The following NBAS variants were observed in gnomAD, a reference collection of about 807,000 sequenced individuals.
The protein encoded by NBAS is NAG/BC035112 fusion.
In NBAS, 219 loss-of-function variants were observed where a neutral mutation model predicts 302.5. The observed-to-expected ratio is 0.72, with a 90% CI of 0.65 to 0.81. The LOEUF is 0.81. NBAS is among the 30% of genes least tolerant of loss of function. The pLI, the probability that NBAS is intolerant of heterozygous loss-of-function variation, is 0.00. For synonymous variants in NBAS, 1,118 were observed against 1,021.6 expected (o/e 1.09, Z -1.80); for missense variants, 2,932 against 2,841.6 (o/e 1.03, Z -0.72).
intron 26 of NBAS, among the ~76,000 whole-genome samples, 196 bp from the exon 27 acceptor site, chr2:15,396,671 TG>T (rs1282228145): frequency 6.6e-6 from 1 of 152,214 alleles, no homozygotes; most frequent in Non-Finnish European, 1.5e-5. Context: ...CAATATTCTC[TG>T]TTACAGATTA....
At chr2:15,217,629 C>A (rs546942311) in intron 48 of NBAS, among the ~76,000 whole-genome samples, 50 of 152,338 alleles carry the variant, frequency 3.3e-4, no homozygotes, top group African/African-American at 1.2e-3. Flanking sequence ...GATGGTCTAA[C>A]CCTGCGTGCT....
the NBAS span, among the ~76,000 whole-genome samples, chr2:14,968,930 G>A: frequency 5.3e-5 from 8 of 152,142 alleles, no homozygotes; most frequent in African/African-American, 1.9e-4. Context: ...TAGCCAGAAA[G>A]TTGAAACAAC....
rs146150175 is a variant in NBAS, at chr2:15,216,459, T to C, written c.6432+2314A>G. Among the ~76,000 whole-genome samples, 285 of 152,190 alleles carry C rather than the reference T, an allele frequency of 1.9e-3. 2 individuals carry two copies. The highest frequency in any genetic ancestry group is 6.8e-3 in the African/African-American group (281 of 41,528). The stretch of plus-strand genomic sequence containing the variant: ...CATGGATTTGGCAAATGAGAGAAAA[T>C]AGTTTGCACTCATAACAATAAAGTC... On this transcript the variant is annotated intron_variant, in intron 48 of 51. Coordinates refer to ENST00000281513, the MANE Select transcript of NBAS (RefSeq NM_015909.4).
intron 10 of NBAS, among the ~76,000 whole-genome samples, chr2:15,510,221 C>T (rs1004907951): frequency 2.0e-5 from 3 of 152,192 alleles, no homozygotes; most frequent in Admixed American, 6.5e-5. Context: ...GGATGGTAAA[C>T]ATAATTAGTA....
chr2:15,485,911 G>GAA (rs148021621), intron 12 of NBAS, among the ~76,000 whole-genome samples: 12 of 147,436 alleles, frequency 8.1e-5, no homozygotes, highest in African/African-American at 2.2e-4. Context: ...GGTTTTAAAG[G>GAA]AAAAAAAAAA....
chr2:15,038,200 C>A, the NBAS span, among the ~76,000 whole-genome samples: 2 of 149,208 alleles, frequency 1.3e-5, no homozygotes, highest in Non-Finnish European at 3.0e-5. Flanking sequence ...GCAAATCCTG[C>A]CTGCCAGGTT....
chr2:15,071,622 T>G, the NBAS span, among the ~76,000 whole-genome samples: 1 of 119,876 alleles, frequency 8.3e-6, no homozygotes, highest in Non-Finnish European at 1.7e-5. Flanking sequence ...AGACTCCATC[T>G]CCAAAAAAAA....
chr2:15,102,977 G>GAGGA, the NBAS span, among the ~76,000 whole-genome samples: 3,455 of 95,366 alleles, frequency 0.036, 184 homozygotes, highest in African/African-American at 0.11. Context: ...AGGCATTAAG[G>GAGGA]AGGAAGGAAG....
At chr2:14,859,522 C>A in the NBAS span, among the ~76,000 whole-genome samples, 1 of 151,722 alleles carries the variant, frequency 6.6e-6, no homozygotes, top group Admixed American at 6.6e-5. Flanking sequence ...AATAGAGAAC[C>A]CAGATTCACA....
chr2:14,785,954 A>G, the NBAS span, among the ~76,000 whole-genome samples: 2 of 151,654 alleles, frequency 1.3e-5, no homozygotes, highest in Non-Finnish European at 2.9e-5. Flanking sequence ...CTGGTCCTGG[A>G]CTCTATTTAG....
intron 21 of NBAS, among the ~76,000 whole-genome samples, chr2:15,439,790 G>A (rs1678252096): frequency 6.6e-6 from 1 of 152,180 alleles, no homozygotes; most frequent in Non-Finnish European, 1.5e-5. Context: ...GGAAAATCGG[G>A]TCACTCCCAC....
the NBAS span, among the ~76,000 whole-genome samples, chr2:15,107,324 G>A: frequency 6.6e-6 from 1 of 152,080 alleles, no homozygotes; most frequent in Non-Finnish European, 1.5e-5. Context: ...GTCCTCATGA[G>A]AACCCGACCA....
the NBAS span, among the ~76,000 whole-genome samples, chr2:15,044,801 C>T: frequency 6.6e-6 from 1 of 152,190 alleles, no homozygotes. Context: ...GCTTTCATGC[C>T]TCTGATCAAT....
chr2:14,999,380 G>T, the NBAS span, among the ~76,000 whole-genome samples: 1 of 152,076 alleles, frequency 6.6e-6, no homozygotes, highest in Non-Finnish European at 1.5e-5. Context: ...ATCTGATATG[G>T]TTTGGCTCTG....
chr2:14,851,342 C>T, the NBAS span, among the ~76,000 whole-genome samples: 44 of 151,632 alleles, frequency 2.9e-4, no homozygotes, highest in Non-Finnish European at 4.1e-4. Context: ...GAAATGGATA[C>T]ATTCCTCGAC....
At chr2:14,948,846 T>C in the NBAS span, among the ~76,000 whole-genome samples, 1 of 152,042 alleles carries the variant, frequency 6.6e-6, no homozygotes, top group Non-Finnish European at 1.5e-5. Flanking sequence ...GGCTTCAAAA[T>C]TTACTACAAA....
intron 8 of NBAS, among the ~76,000 whole-genome samples, chr2:15,535,883 A>G (rs1280486653): frequency 1.3e-5 from 2 of 152,210 alleles, no homozygotes; most frequent in South Asian, 2.1e-4. Flanking sequence ...GATTTTAAAA[A>G]AATTTTAAAC....
chr2:14,946,737 C>A, the NBAS span, among the ~76,000 whole-genome samples: 1 of 152,258 alleles, frequency 6.6e-6, no homozygotes, highest in East Asian at 1.9e-4. Context: ...TAAACCTTTT[C>A]ATCAGTGCAT....
chr2:14,808,888 C>G, the NBAS span, among the ~76,000 whole-genome samples: 1 of 152,140 alleles, frequency 6.6e-6, no homozygotes, highest in Non-Finnish European at 1.5e-5. Flanking sequence ...GAGGTGGTCT[C>G]AGATGGAGAT....
Sources: allele counts gnomAD v4.1 joint callset (sites outside exome capture counted in the v4.1 genomes callset), GRCh38; gene constraint gnomAD v4.1.1; transcripts MANE v1.5; gene names NCBI Gene and HGNC (gene_info 2026-07-23, HGNC 2026-07-21).